Variants in CYP4X1 observed in about 807,000 individuals in gnomAD.
CYP4X1 encodes cytochrome P450 4X1.
A neutral mutation model predicts 57.9 loss-of-function variants in CYP4X1; 44 were observed. That is an observed-to-expected ratio of 0.76 (90% confidence interval 0.60 to 0.98). The LOEUF (loss-of-function observed/expected upper bound fraction) is 0.98. CYP4X1 is among the 50% of genes least tolerant of loss of function. CYP4X1 has a pLI of 0.00. For missense variants in CYP4X1, 532 were observed against 623.9 expected, an observed-to-expected ratio of 0.85 and a Z score of 1.57; for synonymous variants, 227 against 228.6, an observed-to-expected ratio of 0.99 and a Z score of 0.06.
rs1644035076 is a variant in CYP4X1 at position 47,024,109 on chromosome 1, T to C, written c.177+115T>C. On this transcript the variant is annotated intron_variant, in intron 1 of 11. Coordinates refer to ENST00000371901, the MANE Select transcript of CYP4X1 (RefSeq NM_178033.2). ...TTCCATCCCTGGGGACCCTCCGGCT[T>C]GCACTGGCCTTTCCAGCCCGGCCTG... 4 of 1,307,632 alleles carry C rather than the reference T, an allele frequency of 3.1e-6. No individual in the cohort carries two copies. In the Admixed American group the frequency reaches 1.1e-4, roughly 34 times the overall value. 81.0% of individuals were successfully genotyped at this position (1,307,632 alleles called of 1,614,324 possible). A position where few individuals can be genotyped will look rare whatever the true frequency, so the allele number is the denominator to read the frequency against.
the CYP4X1 span, among the ~76,000 whole-genome samples, chr1:46,965,938 T>C: frequency 6.6e-6 from 1 of 152,150 alleles, no homozygotes; most frequent in Non-Finnish European, 1.5e-5. Context: ...TCTCACTCAG[T>C]GAGAAGGAAT....
chr1:46,987,206 G>T, the CYP4X1 span, among the ~76,000 whole-genome samples: 1 of 151,786 alleles, frequency 6.6e-6, no homozygotes, highest in Non-Finnish European at 1.5e-5. Context: ...CAAATGGAAA[G>T]AAAAAATAAA....
chr1:47,033,125 C>G, intron 3 of CYP4X1, 116 bp from the exon 4 acceptor site: 1 of 1,122,548 alleles, frequency 8.9e-7, no homozygotes, highest in Non-Finnish European at 1.3e-6. Flanking sequence ...CTTTGATACT[C>G]CACTGTTGCA....
At chr1:46,995,406 G>A in the CYP4X1 span, among the ~76,000 whole-genome samples, 1 of 152,152 alleles carries the variant, frequency 6.6e-6, no homozygotes, top group Non-Finnish European at 1.5e-5. Flanking sequence ...GTCTTGAAGA[G>A]TAATAGGAGT....
chr1:47,054,827 G>A (rs1344400206), downstream of CYP4X1, among the ~76,000 whole-genome samples: 3 of 152,142 alleles, frequency 2.0e-5, no homozygotes, highest in Non-Finnish European at 4.4e-5. Context: ...GGGCTGAGAC[G>A]ATGGGGTTTT....
chr1:46,977,879 TTCATAAGA>T, the CYP4X1 span, among the ~76,000 whole-genome samples: 1 of 151,908 alleles, frequency 6.6e-6, no homozygotes, highest in African/African-American at 2.4e-5. Context: ...CAAACTAAGC[TTCATAAGA>T]GAAGGAGAAA....
chr1:46,981,363 C>A, the CYP4X1 span, among the ~76,000 whole-genome samples: 1 of 152,054 alleles, frequency 6.6e-6, no homozygotes, highest in Non-Finnish European at 1.5e-5. Context: ...TTTATGCAGC[C>A]AAAAGACACA....
At chr1:47,035,555 G>T (rs12736235) in intron 4 of CYP4X1, among the ~76,000 whole-genome samples, 2 of 151,934 alleles carry the variant, frequency 1.3e-5, no homozygotes, top group African/African-American at 4.8e-5. Flanking sequence ...TTGAAAAGCC[G>T]CAGATCTTTA....
chr1:47,038,036 A>G (rs532503695), intron 6 of CYP4X1, among the ~76,000 whole-genome samples: 5 of 152,276 alleles, frequency 3.3e-5, no homozygotes, highest in South Asian at 2.1e-4. Flanking sequence ...CTATCTACCA[A>G]TGTACCAGAA....
the CYP4X1 span, among the ~76,000 whole-genome samples, chr1:46,972,419 G>A: frequency 6.6e-6 from 1 of 152,088 alleles, no homozygotes; most frequent in Admixed American, 6.6e-5. Flanking sequence ...TTGGCTACTG[G>A]GCTCTTTTGT....
upstream of CYP4X1, among the ~76,000 whole-genome samples, chr1:47,022,438 G>A (rs1321980499): frequency 2.6e-5 from 4 of 151,888 alleles, no homozygotes; most frequent in African/African-American, 7.3e-5. Context: ...TTACAGGCGC[G>A]CGCCACCACG....
chr1:46,975,933 C>T, the CYP4X1 span, among the ~76,000 whole-genome samples: 1 of 152,210 alleles, frequency 6.6e-6, no homozygotes, highest in African/African-American at 2.4e-5. Flanking sequence ...ATTCTTTCCT[C>T]AGCTTGGTCT....
Position 47,023,756 on chromosome 1 carries a change from G to A in CYP4X1, c.-62G>A. ...GGCGACCCTACGCCAGCTCCGGGCG[G>A]GAGAAAGCCCACCCTCTCCCGCGCC... is the stretch of plus-strand genomic sequence containing the variant. On this transcript the variant is annotated 5_prime_UTR_variant, in exon 1 of 12. Transcript: ENST00000371901. The A allele has an allele frequency of 6.4e-7, 1 of 1,564,582 alleles. No individual in the cohort carries two copies. Among genetic ancestry groups the A allele is most frequent in the Non-Finnish European group, 8.7e-7 (1 of 1,155,444 alleles).
chr1:47,023,687 C>T lies in CYP4X1; in HGVS notation c.-131C>T. On this transcript the variant is annotated 5_prime_UTR_variant, in exon 1 of 12. Transcript: ENST00000371901. ...CCCTCCCACTGCCTTTCCTTCTTCC[C>T]GCGAGTCAGAAGCTTCGCGAGGGCC... is the stretch of plus-strand genomic sequence containing the variant. The T allele has an allele frequency of 7.0e-7, 1 of 1,431,788 alleles. No individual in the cohort carries two copies. The highest frequency in any genetic ancestry group is 1.4e-5 in the African/African-American group (1 of 69,196). 88.7% of individuals were successfully genotyped at this position (1,431,788 alleles called of 1,614,324 possible).
At chr1:46,965,546 T>C in the CYP4X1 span, among the ~76,000 whole-genome samples, 1 of 152,180 alleles carries the variant, frequency 6.6e-6, no homozygotes, top group Non-Finnish European at 1.5e-5. Flanking sequence ...AGGTATCACA[T>C]GTGAAGGCTG....
At chr1:47,017,447 T>G in the CYP4X1 span, among the ~76,000 whole-genome samples, 1 of 143,014 alleles carries the variant, frequency 7.0e-6, no homozygotes, top group Non-Finnish European at 1.5e-5. Context: ...AGGAACACTT[T>G]GACAAGAGCA....
chr1:46,974,078 C>T, the CYP4X1 span, among the ~76,000 whole-genome samples: 1 of 152,082 alleles, frequency 6.6e-6, no homozygotes, highest in Non-Finnish European at 1.5e-5. Flanking sequence ...TTTCTCTCAA[C>T]AGTGCTTTAG....
the CYP4X1 span, chr1:46,961,894 T>A: frequency 1.4e-6 from 1 of 730,956 alleles, no homozygotes; most frequent in Non-Finnish European, 1.9e-6. Flanking sequence ...GTTCAGTTGC[T>A]TTTTGGGGAG....
the CYP4X1 span, among the ~76,000 whole-genome samples, chr1:46,996,708 C>T: frequency 6.6e-6 from 1 of 152,202 alleles, no homozygotes; most frequent in Non-Finnish European, 1.5e-5. Flanking sequence ...CCAGACACTT[C>T]CACCAGAAAC....
Sources: gnomAD v4.1 joint callset for allele counts (sites outside exome capture counted in the v4.1 genomes callset) on GRCh38, gnomAD v4.1.1 for gene constraint, MANE v1.5 for transcripts, NCBI Gene and HGNC (gene_info 2026-07-23, HGNC 2026-07-21) for gene names.